Variants in FOXJ3 observed in about 807,000 individuals in gnomAD.
The protein encoded by FOXJ3 is forkhead box J3.
Under a neutral mutation model 76.1 loss-of-function variants are expected in FOXJ3, and 22 were observed. The ratio of observed to expected loss-of-function variants is 0.29; its 90% CI spans 0.21 to 0.41. The LOEUF (loss-of-function observed/expected upper bound fraction) is 0.41. Ranked by LOEUF, FOXJ3 falls within the 10% of genes least tolerant of loss-of-function variation. FOXJ3 has a pLI of 1.00. For synonymous variants in FOXJ3, 269 were observed against 261.2 expected, an observed-to-expected ratio of 1.03 and a Z score of -0.29; for missense variants, 613 against 762.1, an observed-to-expected ratio of 0.80 and a Z score of 2.30.
At chr1:42,303,383 T>C (rs1654276003) in intron 2 of FOXJ3, among the ~76,000 whole-genome samples, 1 of 152,208 alleles carries the variant, frequency 6.6e-6, no homozygotes, top group African/African-American at 2.4e-5. Flanking sequence ...AAGAGAGAGA[T>C]GTGAACCTGT....
At chr1:42,212,966 AAAAAAC>A (rs1455002716) in intron 5 of FOXJ3, among the ~76,000 whole-genome samples, 1,759 of 148,600 alleles carry the variant, frequency 0.012, 34 homozygotes, top group African/African-American at 0.041. Flanking sequence ...GCAAAAAAAA[AAAAAAC>A]AAAAAAAAAA....
chr1:42,204,753 T>A (rs1300145409), intron 6 of FOXJ3, among the ~76,000 whole-genome samples: 1 of 150,296 alleles, frequency 6.7e-6, no homozygotes, highest in Non-Finnish European at 1.5e-5. Flanking sequence ...GACTGTGATG[T>A]AATTATTCCA....
chr1:42,299,541 T>A (rs1320180076), intron 2 of FOXJ3, among the ~76,000 whole-genome samples: 2 of 135,338 alleles, frequency 1.5e-5, no homozygotes, highest in Non-Finnish European at 3.3e-5. Context: ...TGGTTGGGTC[T>A]TTTTTTTTTT....
intron 4 of FOXJ3, among the ~76,000 whole-genome samples, chr1:42,245,191 C>A (rs1432760843): frequency 6.6e-6 from 1 of 150,990 alleles, no homozygotes; most frequent in African/African-American, 2.4e-5. Context: ...AAAAACAAGT[C>A]TCCCAACAAA....
intron 5 of FOXJ3, among the ~76,000 whole-genome samples, chr1:42,214,656 G>T (rs343360): frequency 0.7 from 106,393 of 152,028 alleles, 37,966 homozygotes; most frequent in Admixed American, 0.8. Flanking sequence ...AACTTGGGAA[G>T]AATGTGGGTG....
chr1:42,255,845 A>G (rs1437498315), intron 4 of FOXJ3, among the ~76,000 whole-genome samples: 1 of 151,986 alleles, frequency 6.6e-6, no homozygotes, highest in East Asian at 1.9e-4. Flanking sequence ...ATATAGTGAA[A>G]CCCCGTCTCT....
intron 5 of FOXJ3, among the ~76,000 whole-genome samples, chr1:42,216,309 G>A (rs1351825016): frequency 6.6e-6 from 1 of 151,870 alleles, no homozygotes; most frequent in Non-Finnish European, 1.5e-5. Flanking sequence ...ACGAGGTCAG[G>A]AGATCGAGAC....
intron 4 of FOXJ3, among the ~76,000 whole-genome samples, chr1:42,232,302 G>A (rs1569972249): frequency 4.1e-5 from 6 of 146,640 alleles, no homozygotes; most frequent in South Asian, 4.5e-4. Context: ...CAATCCTTTC[G>A]GTATATACCC....
chr1:42,308,438 T>C (rs562819341), intron 2 of FOXJ3, among the ~76,000 whole-genome samples: 2 of 152,314 alleles, frequency 1.3e-5, no homozygotes, highest in East Asian at 1.9e-4. Flanking sequence ...AAAACAATAC[T>C]GGCTTCCACT....
At chr1:42,232,199 G>A (rs1648204063) in intron 4 of FOXJ3, among the ~76,000 whole-genome samples, 1 of 143,370 alleles carries the variant, frequency 7.0e-6, no homozygotes, top group Non-Finnish European at 1.5e-5. Flanking sequence ...GTCTATCATT[G>A]TTGGACATTT....
chr1:42,210,869 C>A (rs1646953564), intron 5 of FOXJ3, among the ~76,000 whole-genome samples: 1 of 152,114 alleles, frequency 6.6e-6, no homozygotes, highest in African/African-American at 2.4e-5. Flanking sequence ...TGAGCAGCTA[C>A]ACCCAGAAGA....
intron 3 of FOXJ3, among the ~76,000 whole-genome samples, chr1:42,269,731 C>T (rs992488078): frequency 6.6e-6 from 1 of 152,108 alleles, no homozygotes; most frequent in Non-Finnish European, 1.5e-5. Context: ...CAATGAGAAA[C>T]CTAAAAAACA....
chr1:42,327,862 T>C (rs1461143873), intron 1 of FOXJ3, among the ~76,000 whole-genome samples: 26 of 152,234 alleles, frequency 1.7e-4, no homozygotes, highest in Admixed American at 1.7e-3. Flanking sequence ...ATACTCCAGG[T>C]GAAAACTCTG....
chr1:42,291,021 C>T (rs1175110799), intron 2 of FOXJ3, among the ~76,000 whole-genome samples: 2 of 136,082 alleles, frequency 1.5e-5, no homozygotes, highest in Non-Finnish European at 3.2e-5. Context: ...CAAGAAAAGA[C>T]CCATATAGAT....
chr1:42,244,452 G>C (rs898639516), intron 4 of FOXJ3, among the ~76,000 whole-genome samples: 3 of 152,152 alleles, frequency 2.0e-5, no homozygotes, highest in African/African-American at 7.2e-5. Flanking sequence ...TGGAGTTCAT[G>C]GCTGCAATGA....
intron 2 of FOXJ3, among the ~76,000 whole-genome samples, chr1:42,290,335 T>A (rs1195556067): frequency 6.6e-6 from 1 of 152,128 alleles, no homozygotes; most frequent in African/African-American, 2.4e-5. Context: ...CTAGTTAATA[T>A]CTAAACAAAC....
chr1:42,269,734 A>G (rs1167109301), intron 3 of FOXJ3, among the ~76,000 whole-genome samples: 1 of 152,150 alleles, frequency 6.6e-6, no homozygotes, highest in East Asian at 1.9e-4. Flanking sequence ...TGAGAAACCT[A>G]AAAAACATCC....
chr1:42,228,240 C>A (rs1647742405), intron 4 of FOXJ3, among the ~76,000 whole-genome samples: 1 of 152,094 alleles, frequency 6.6e-6, no homozygotes, highest in Admixed American at 6.6e-5. Flanking sequence ...CAACAAAACA[C>A]ATTTTTTATA....
At chr1:42,219,080 T>C (rs1647128114) in intron 5 of FOXJ3, among the ~76,000 whole-genome samples, 1 of 152,210 alleles carries the variant, frequency 6.6e-6, no homozygotes, top group Admixed American at 6.5e-5. Context: ...GTCCTCTCTT[T>C]TCCACAGTTT....
Sources: allele counts gnomAD v4.1 joint callset (sites outside exome capture counted in the v4.1 genomes callset), GRCh38; gene constraint gnomAD v4.1.1; transcripts MANE v1.5; gene names NCBI Gene and HGNC (gene_info 2026-07-23, HGNC 2026-07-21).